The following ZFR variants were observed in gnomAD, a reference collection of about 807,000 sequenced individuals.
ZFR encodes zinc finger RNA-binding protein.
Under a neutral mutation model 130.7 loss-of-function variants are expected in ZFR, and 19 were observed. That is an observed-to-expected ratio of 0.15 (90% CI 0.10 to 0.21). ZFR has a LOEUF of 0.21. Ranked by LOEUF, ZFR falls within the 10% of genes least tolerant of loss-of-function variation. The pLI, the probability that ZFR is intolerant of heterozygous loss-of-function variation, is 1.00. For synonymous variants in ZFR, 466 were observed against 456.9 expected (o/e 1.02, Z -0.25); for missense variants, 872 against 1,321.5 (o/e 0.66, Z 5.27).
intron 2 of ZFR, among the ~76,000 whole-genome samples, chr5:32,442,245 T>C (rs1035344463): frequency 6.6e-6 from 1 of 152,210 alleles, no homozygotes; most frequent in Non-Finnish European, 1.5e-5. Flanking sequence ...TTAAACACAA[T>C]CTTTTCTAGA....
intron 17 of ZFR, among the ~76,000 whole-genome samples, chr5:32,366,176 A>G (rs770447946): frequency 6.6e-6 from 1 of 152,236 alleles, no homozygotes; most frequent in Non-Finnish European, 1.5e-5. Flanking sequence ...AATCCTGACA[A>G]TTCAGTGATA....
chr5:32,431,753 A>G (rs956525717), intron 2 of ZFR, among the ~76,000 whole-genome samples: 2 of 146,706 alleles, frequency 1.4e-5, no homozygotes, highest in African/African-American at 5.1e-5. Flanking sequence ...ATGTCTTTAA[A>G]TTAGATATAA....
At chr5:32,375,518 G>GA (rs1177137220) in intron 17 of ZFR, among the ~76,000 whole-genome samples, 6 of 151,040 alleles carry the variant, frequency 4.0e-5, no homozygotes, top group Admixed American at 1.3e-4. Context: ...ATGTCTCAAA[G>GA]AAAAAAAAAG....
At chr5:32,444,016 C>A (rs2111887402) in intron 2 of ZFR, among the ~76,000 whole-genome samples, 1 of 149,760 alleles carries the variant, frequency 6.7e-6, no homozygotes, top group South Asian at 2.1e-4. Context: ...CTCCCCCCTA[C>A]TGGGGGCCGC....
intron 5 of ZFR, among the ~76,000 whole-genome samples, chr5:32,414,223 T>C (rs996929391): frequency 7.2e-5 from 11 of 152,298 alleles, no homozygotes; most frequent in African/African-American, 2.6e-4. Flanking sequence ...TAATTCATCA[T>C]TGTATCCCTA....
At chr5:32,406,281 C>G (rs545963461) in intron 6 of ZFR, among the ~76,000 whole-genome samples, 4 of 152,258 alleles carry the variant, frequency 2.6e-5, no homozygotes, top group South Asian at 4.1e-4. Context: ...CCCGAAGTTC[C>G]TACTCCCCTT....
intron 17 of ZFR, among the ~76,000 whole-genome samples, chr5:32,365,738 C>T (rs374902377): frequency 2.6e-5 from 4 of 151,378 alleles, no homozygotes; most frequent in South Asian, 2.1e-4. Context: ...TGCCGCTGTA[C>T]GACTGGGACA....
chr5:32,378,904 C>G (rs1752882712), intron 17 of ZFR, among the ~76,000 whole-genome samples: 1 of 147,596 alleles, frequency 6.8e-6, no homozygotes, highest in South Asian at 2.1e-4. Context: ...AAGAAAAAAA[C>G]ACACAAAGAG....
chr5:32,388,612 A>G lies in ZFR; in HGVS notation c.2205T>C (p.Tyr735=). ...RYVMTKHATI[Y]PTEEELQAVQ... is the part of the protein sequence containing the mutation. ...CTGCCTGTAACTCCTCTTCAGTTGGATAAATGGTGGCATGTTTTGTCATTA... is the reference window on the plus strand; with the variant it reads ...CTGCCTGTAACTCCTCTTCAGTTGGGTAAATGGTGGCATGTTTTGTCATTA... Residue 735 remains tyrosine, a synonymous_variant, in exon 13 of 20, where the codon TAT becomes TAC. Transcript: ENST00000265069. 6.2e-7 allele frequency: 1 copy of G among 1,614,094 alleles called. No homozygotes were observed. The highest frequency in any genetic ancestry group is 1.1e-5 in the South Asian group (1 of 91,086).
chr5:32,406,600 A>T, intron 6 of ZFR, 174 bp downstream of exon 6: 2 of 850,632 alleles, frequency 2.4e-6, no homozygotes, highest in Non-Finnish European at 3.2e-6. Context: ...AATCATCTTT[A>T]CAGTTTTTTT....
At chr5:32,385,384 G>T in intron 15 of ZFR, 124 bp downstream of exon 15, 2 of 1,193,390 alleles carry the variant, frequency 1.7e-6, no homozygotes, top group South Asian at 1.6e-5. Context: ...TGCTAAATAA[G>T]TCAAATCTAT....
chr5:32,376,393 T>A (rs1752809312), intron 17 of ZFR, among the ~76,000 whole-genome samples: 1 of 151,972 alleles, frequency 6.6e-6, no homozygotes, highest in Non-Finnish European at 1.5e-5. Flanking sequence ...ATGCCTATAA[T>A]CCCAGCATTT....
At chr5:32,379,327 T>C (rs1752889859) in intron 16 of ZFR, 117 bp from the exon 17 acceptor site, 1 of 868,302 alleles carries the variant, frequency 1.2e-6, no homozygotes, top group East Asian at 2.6e-5. Flanking sequence ...ACAAAAACAA[T>C]CACACTTAAA....
rs377173878 is a variant in ZFR at position 32,355,565 on chromosome 5, AT to A, written c.*194del. 28,490 of 330,970 alleles carry A rather than the reference AT, an allele frequency of 0.086. 3 individuals are homozygous for A. The highest frequency in any genetic ancestry group is 0.13 in the Middle Eastern group (147 of 1,122). The allele number at this position is 330,970 out of a possible 1,614,324, so 20.5% of individuals were successfully genotyped here. ...ACTGTTTTCCCCCTAGTCGGAGCACATTTTTTTTTTTGGGTGTCTTTCCATT... is the reference window on the plus strand; with the variant it reads ...ACTGTTTTCCCCCTAGTCGGAGCACATTTTTTTTTTGGGTGTCTTTCCATT... On this transcript the variant is annotated 3_prime_UTR_variant, in exon 20 of 20. Coordinates refer to ENST00000265069, the MANE Select transcript of ZFR (RefSeq NM_016107.5).
intron 2 of ZFR, among the ~76,000 whole-genome samples, chr5:32,444,013 C>T (rs1581723543): frequency 6.7e-6 from 1 of 150,304 alleles, no homozygotes. Flanking sequence ...TACCTCCCCC[C>T]TACTGGGGGC....
intron 10 of ZFR, among the ~76,000 whole-genome samples, chr5:32,396,744 A>C (rs1753323337): frequency 6.6e-6 from 1 of 151,572 alleles, no homozygotes; most frequent in Admixed American, 6.6e-5. Context: ...ACTCCATCTC[A>C]TTAAAAAAAA....
chr5:32,402,454 T>G (rs974588720), intron 8 of ZFR, among the ~76,000 whole-genome samples: 2 of 151,646 alleles, frequency 1.3e-5, no homozygotes, highest in Non-Finnish European at 2.9e-5. Flanking sequence ...GAGGATTGGG[T>G]AGGAAGTACA....
chr5:32,408,734 A>G (rs1753634717), intron 5 of ZFR, among the ~76,000 whole-genome samples: 1 of 152,158 alleles, frequency 6.6e-6, no homozygotes, highest in African/African-American at 2.4e-5. Context: ...GTTTTAAGCA[A>G]TTATCTCAAC....
chr5:32,409,466 C>A (rs1470010554), intron 5 of ZFR, among the ~76,000 whole-genome samples: 2 of 150,160 alleles, frequency 1.3e-5, no homozygotes, highest in East Asian at 4.0e-4. Flanking sequence ...GGTGCAGTGG[C>A]GCAATCTCGA....
Sources: gnomAD v4.1 joint callset for allele counts (sites outside exome capture counted in the v4.1 genomes callset) on GRCh38, gnomAD v4.1.1 for gene constraint, MANE v1.5 for transcripts, NCBI Gene and HGNC (gene_info 2026-07-23, HGNC 2026-07-21) for gene names.